The following SLC24A2 variants were observed in gnomAD, a reference collection of about 807,000 sequenced individuals.
The protein encoded by SLC24A2 is sodium/potassium/calcium exchanger 2.
SLC24A2 carries 36 observed loss-of-function variants against 62.0 expected under a neutral mutation model. The observed-to-expected ratio is 0.58, with a 90% CI of 0.44 to 0.77. The LOEUF is 0.77. SLC24A2 is among the 30% of genes least tolerant of loss of function. The pLI, the probability that SLC24A2 is intolerant of heterozygous loss-of-function variation, is 0.00. For synonymous variants in SLC24A2, 358 were observed against 294.0 expected, an observed-to-expected ratio of 1.22 and a Z score of -2.23; for missense variants, 846 against 817.9, an observed-to-expected ratio of 1.03 and a Z score of -0.42.
the SLC24A2 span, among the ~76,000 whole-genome samples, chr9:20,219,017 G>A: frequency 1.3e-5 from 2 of 152,192 alleles, no homozygotes; most frequent in East Asian, 3.9e-4. Context: ...AGAGGATTGA[G>A]AAAGGACAAG....
rs74731549 is a variant in SLC24A2, at chr9:19,679,951, T to A, written c.931-57652A>T. ...GGAGAACCCTAACCACATAAATGGT[T>A]GCCATTCTTATTACCACAGAAAGGA... On this transcript the variant is annotated intron_variant, in intron 2 of 10. Coordinates refer to ENST00000341998, the MANE Select transcript of SLC24A2 (RefSeq NM_020344.4). 6.6e-5 allele frequency among the ~76,000 whole-genome samples: 10 copies of A among 152,120 alleles called. No individual in the cohort carries two copies. The East Asian group carries it at 1.9e-3, about 29-fold the overall frequency.
chr9:19,740,703 A>G (rs1821648409), intron 2 of SLC24A2, among the ~76,000 whole-genome samples: 1 of 152,202 alleles, frequency 6.6e-6, no homozygotes, highest in South Asian at 2.1e-4. Context: ...GAAATTATAT[A>G]TAACTCAATG....
chr9:19,512,224 G>T lies in SLC24A2; in HGVS notation c.*3929C>A, dbSNP rs891586356. The T allele has an allele frequency of 6.6e-6, 1 of 152,208 alleles. No individual in the cohort carries two copies. Among genetic ancestry groups the T allele is most frequent in the Non-Finnish European group, 1.5e-5 (1 of 68,046 alleles). 9.4% of individuals were successfully genotyped at this position (152,208 alleles called of 1,614,324 possible). On this transcript the variant is annotated 3_prime_UTR_variant, in exon 11 of 11. Coordinates refer to ENST00000341998, the MANE Select transcript of SLC24A2 (RefSeq NM_020344.4). ...CATTGTCAAATGTCTAATCAGCGAGGCAGCTGCGTTTTGCTGAAAGGGCTC... is the reference window on the plus strand; with the variant it reads ...CATTGTCAAATGTCTAATCAGCGAGTCAGCTGCGTTTTGCTGAAAGGGCTC...
chr9:19,993,513 A>G, the SLC24A2 span, among the ~76,000 whole-genome samples: 1 of 152,174 alleles, frequency 6.6e-6, no homozygotes, highest in Non-Finnish European at 1.5e-5. Flanking sequence ...TACACCATAA[A>G]CTAGAAAGTT....
chr9:20,087,689 G>C, the SLC24A2 span, among the ~76,000 whole-genome samples: 3 of 152,152 alleles, frequency 2.0e-5, no homozygotes, highest in Non-Finnish European at 1.5e-5. Context: ...TGTGTTGGAG[G>C]CTGGCCAAGA....
the SLC24A2 span, among the ~76,000 whole-genome samples, chr9:19,849,527 T>C: frequency 6.6e-6 from 1 of 152,154 alleles, no homozygotes; most frequent in Non-Finnish European, 1.5e-5. Context: ...TATGACTAGT[T>C]TGTGAATGTT....
the SLC24A2 span, among the ~76,000 whole-genome samples, chr9:20,204,430 A>G: frequency 6.6e-6 from 1 of 152,250 alleles, no homozygotes; most frequent in African/African-American, 2.4e-5. Flanking sequence ...ATCAGAACCA[A>G]CTAATCATCA....
At chr9:20,242,733 G>A in the SLC24A2 span, among the ~76,000 whole-genome samples, 809 of 152,310 alleles carry the variant, frequency 5.3e-3, 1 homozygote, top group Non-Finnish European at 8.4e-3. Context: ...AATTAAAAAC[G>A]GAGAGCTTAG....
At chr9:19,825,200 A>T in the SLC24A2 span, among the ~76,000 whole-genome samples, 1 of 152,212 alleles carries the variant, frequency 6.6e-6, no homozygotes, top group Admixed American at 6.5e-5. Context: ...GAAAAAGTTA[A>T]CATCAATTCA....
intron 5 of SLC24A2, among the ~76,000 whole-genome samples, chr9:19,582,240 C>A (rs879510427): frequency 4.6e-5 from 7 of 152,128 alleles, no homozygotes; most frequent in South Asian, 2.1e-4. Flanking sequence ...CTTCATGCTG[C>A]ATGGAAAAAC....
chr9:19,574,757 C>T (rs1229658317), intron 6 of SLC24A2, among the ~76,000 whole-genome samples: 1 of 151,964 alleles, frequency 6.6e-6, no homozygotes, highest in Non-Finnish European at 1.5e-5. Flanking sequence ...ATCAATGTTC[C>T]AGCACCACTG....
At chr9:19,563,391 A>ATTAT (rs531053943) in intron 7 of SLC24A2, among the ~76,000 whole-genome samples, 2 of 143,278 alleles carry the variant, frequency 1.4e-5, no homozygotes, top group South Asian at 4.2e-4. Context: ...CCCTTAATTA[A>ATTAT]TTATTTAGAA....
intron 9 of SLC24A2, among the ~76,000 whole-genome samples, chr9:19,524,619 G>A (rs141084595): frequency 9.9e-5 from 15 of 152,260 alleles, no homozygotes; most frequent in Non-Finnish European, 2.9e-5. Context: ...AGACTTCTTG[G>A]AACAGAATCT....
At chr9:20,028,218 A>C in the SLC24A2 span, among the ~76,000 whole-genome samples, 2 of 152,162 alleles carry the variant, frequency 1.3e-5, no homozygotes, top group Admixed American at 6.5e-5. Context: ...GGGGTTTGAT[A>C]GACTTTGGGG....
chr9:19,941,023 C>G, the SLC24A2 span, among the ~76,000 whole-genome samples: 1 of 152,158 alleles, frequency 6.6e-6, no homozygotes, highest in Non-Finnish European at 1.5e-5. Context: ...GGCTTTAAGC[C>G]AAGCCTGGCT....
chr9:20,090,898 G>A, the SLC24A2 span, among the ~76,000 whole-genome samples: 1 of 152,092 alleles, frequency 6.6e-6, no homozygotes, highest in Non-Finnish European at 1.5e-5. Flanking sequence ...ATATGGATAG[G>A]AATGAAGATC....
chr9:20,102,652 T>C, the SLC24A2 span, among the ~76,000 whole-genome samples: 1 of 149,856 alleles, frequency 6.7e-6, no homozygotes, highest in African/African-American at 2.5e-5. Flanking sequence ...TAATACTTTT[T>C]AAAATGCACT....
At chr9:19,890,365 G>T in the SLC24A2 span, among the ~76,000 whole-genome samples, 1 of 152,192 alleles carries the variant, frequency 6.6e-6, no homozygotes, top group Non-Finnish European at 1.5e-5. Context: ...ACCACTGGAG[G>T]CTATTTTAGA....
chr9:20,106,935 T>G, the SLC24A2 span, among the ~76,000 whole-genome samples: 1 of 152,218 alleles, frequency 6.6e-6, no homozygotes, highest in East Asian at 1.9e-4. Context: ...GACATGATTG[T>G]GTATCTAGAA....
Sources: gnomAD v4.1 joint callset for allele counts (sites outside exome capture counted in the v4.1 genomes callset) on GRCh38, gnomAD v4.1.1 for gene constraint, MANE v1.5 for transcripts, NCBI Gene and HGNC (gene_info 2026-07-23, HGNC 2026-07-21) for gene names.